PAK1: variants seen among roughly 807,000 people sequenced by gnomAD.
The protein encoded by PAK1 is p21 (RAC1) activated kinase 1.
A neutral mutation model predicts 67.4 loss-of-function variants in PAK1; 29 were observed. That is an observed-to-expected ratio of 0.43 (90% CI 0.32 to 0.59). The LOEUF (loss-of-function observed/expected upper bound fraction) is 0.59, where lower values mean the gene tolerates loss of function less well. Among genes scored for constraint, PAK1 ranks in the 20% least tolerant of loss-of-function variants. The pLI is 0.07. For missense variants in PAK1, 337 were observed against 670.7 expected, an observed-to-expected ratio of 0.50 and a Z score of 5.50; for synonymous variants, 223 against 237.4, an observed-to-expected ratio of 0.94 and a Z score of 0.56.
intron 1 of PAK1, among the ~76,000 whole-genome samples, chr11:77,458,815 C>G (rs943469146): frequency 6.6e-6 from 1 of 152,102 alleles, no homozygotes; most frequent in African/African-American, 2.4e-5. Flanking sequence ...CGAGGGAGTG[C>G]AAAAGTAAAT....
the PAK1 span, among the ~76,000 whole-genome samples, chr11:77,496,512 C>G: frequency 4.6e-3 from 699 of 152,154 alleles, 4 homozygotes; most frequent in Non-Finnish European, 7.1e-3. Context: ...GTAGTCCCAG[C>G]TACCCAAGAG....
intron 1 of PAK1, among the ~76,000 whole-genome samples, chr11:77,452,527 A>T (rs753795835): frequency 2.0e-5 from 3 of 152,160 alleles, no homozygotes; most frequent in Non-Finnish European, 4.4e-5. Flanking sequence ...GTTGAATTAG[A>T]CATCTCCTAG....
chr11:77,427,064 C>T (rs1373961644), intron 1 of PAK1, among the ~76,000 whole-genome samples: 3 of 152,128 alleles, frequency 2.0e-5, no homozygotes, highest in Admixed American at 6.5e-5. Context: ...TTCTCTTCCC[C>T]TCTAGAAACC....
intron 2 of PAK1, among the ~76,000 whole-genome samples, chr11:77,380,905 T>A (rs942645216): frequency 2.0e-5 from 3 of 152,136 alleles, no homozygotes; most frequent in Non-Finnish European, 4.4e-5. Context: ...AGGGCAGGAA[T>A]AAATGTTCAT....
chr11:77,490,975 A>G, the PAK1 span, among the ~76,000 whole-genome samples: 1 of 152,174 alleles, frequency 6.6e-6, no homozygotes, highest in Non-Finnish European at 1.5e-5. Flanking sequence ...TCAAGTACCC[A>G]GGGACACAAA....
chr11:77,494,705 T>C, the PAK1 span, among the ~76,000 whole-genome samples: 4 of 152,122 alleles, frequency 2.6e-5, no homozygotes, highest in African/African-American at 9.6e-5. Context: ...TGGAAAACTA[T>C]AGAAAATGTT....
chr11:77,402,193 T>A (rs113442013), intron 1 of PAK1, among the ~76,000 whole-genome samples: 2 of 152,162 alleles, frequency 1.3e-5, no homozygotes, highest in African/African-American at 2.4e-5. Flanking sequence ...ATTACGTAAT[T>A]TGAGACAGAA....
At chr11:77,486,062 C>T in the PAK1 span, among the ~76,000 whole-genome samples, 2 of 152,302 alleles carry the variant, frequency 1.3e-5, no homozygotes, top group African/African-American at 4.8e-5. Flanking sequence ...AAATCCTCTT[C>T]CATTTACCAT....
the PAK1 span, among the ~76,000 whole-genome samples, chr11:77,515,861 T>C: frequency 2.0e-5 from 3 of 152,182 alleles, no homozygotes; most frequent in Admixed American, 6.5e-5. Context: ...AAGCAAAATA[T>C]GCCATACTTT....
intron 1 of PAK1, among the ~76,000 whole-genome samples, chr11:77,459,854 G>A (rs890873372): frequency 2.6e-5 from 4 of 152,050 alleles, no homozygotes; most frequent in African/African-American, 9.6e-5. Flanking sequence ...CCGCCACCGC[G>A]CCTGGCTAAT....
chr11:77,384,681 T>C (rs1950236853), intron 2 of PAK1, among the ~76,000 whole-genome samples: 1 of 152,186 alleles, frequency 6.6e-6, no homozygotes. Context: ...TCCATTTATA[T>C]GAAATGTCCA....
chr11:77,334,482 GTGGGAATAAA>G (rs1206686832), intron 13 of PAK1, among the ~76,000 whole-genome samples: 7 of 152,184 alleles, frequency 4.6e-5, no homozygotes, highest in African/African-American at 1.7e-4. Flanking sequence ...TGGATGGGAG[GTGGGAATAAA>G]TGAGAAAATA....
At chr11:77,408,349 T>C (rs1373450595) in intron 1 of PAK1, 2 of 151,814 alleles carry the variant, frequency 1.3e-5, no homozygotes, top group African/African-American at 4.8e-5. Context: ...CATATATACA[T>C]ACACACACAT....
At chr11:77,381,979 T>C (rs1949900497) in intron 2 of PAK1, among the ~76,000 whole-genome samples, 1 of 152,230 alleles carries the variant, frequency 6.6e-6, no homozygotes, top group Admixed American at 6.5e-5. Flanking sequence ...GTCTTTCTCA[T>C]AGCCAGAATG....
intron 1 of PAK1, among the ~76,000 whole-genome samples, chr11:77,403,190 T>C (rs1952950565): frequency 6.6e-6 from 1 of 152,182 alleles, no homozygotes; most frequent in Non-Finnish European, 1.5e-5. Context: ...AAACCTATAT[T>C]TTCCTTTGAG....
At chr11:77,462,195 G>A (rs1009760389) in intron 1 of PAK1, among the ~76,000 whole-genome samples, 1 of 152,106 alleles carries the variant, frequency 6.6e-6, no homozygotes, top group Admixed American at 6.5e-5. Flanking sequence ...GCCAGGCGTG[G>A]TGGCGGGCAC....
At chr11:77,443,151 C>T (rs1170938211) in intron 1 of PAK1, among the ~76,000 whole-genome samples, 1 of 151,724 alleles carries the variant, frequency 6.6e-6, no homozygotes, top group Non-Finnish European at 1.5e-5. Context: ...GGTAAAACCC[C>T]GTCTCTACTA....
the PAK1 span, among the ~76,000 whole-genome samples, chr11:77,491,163 T>TA: frequency 1.6e-5 from 2 of 128,316 alleles, no homozygotes; most frequent in East Asian, 2.2e-4. Flanking sequence ...GAGACATAAA[T>TA]AAAAAGATAT....
chr11:77,326,431 T>C (rs938540881), intron 14 of PAK1, among the ~76,000 whole-genome samples: 2 of 152,184 alleles, frequency 1.3e-5, no homozygotes, highest in African/African-American at 4.8e-5. Context: ...TGGTGGCTGA[T>C]GCCATGCCTG....
Sources: gnomAD v4.1 joint callset for allele counts (sites outside exome capture counted in the v4.1 genomes callset) on GRCh38, gnomAD v4.1.1 for gene constraint, MANE v1.5 for transcripts, NCBI Gene and HGNC (gene_info 2026-07-23, HGNC 2026-07-21) for gene names.